Variants in LSM2 observed in about 807,000 individuals in gnomAD.
LSM2 encodes LSM2 homolog, U6 small nuclear RNA and mRNA degradation associated.
In LSM2, 12 loss-of-function variants were observed where a neutral mutation model predicts 17.0. The ratio of observed to expected loss-of-function variants is 0.70; its 90% confidence interval spans 0.45 to 1.14. The LOEUF (loss-of-function observed/expected upper bound fraction) is 1.14. LSM2 is among the 50% of genes most tolerant of loss of function. The pLI, the probability that LSM2 is intolerant of heterozygous loss-of-function variation, is 0.00. For synonymous variants in LSM2, 42 were observed against 44.5 expected, an observed-to-expected ratio of 0.94 and a Z score of 0.22; for missense variants, 62 against 111.8, an observed-to-expected ratio of 0.55 and a Z score of 2.01.
chr6:31,800,703 C>T (rs1300892477), intron 2 of LSM2, among the ~76,000 whole-genome samples: 7 of 151,950 alleles, frequency 4.6e-5, no homozygotes, highest in African/African-American at 1.4e-4. Flanking sequence ...CTGGCTAACA[C>T]GGTGAAACCC....
intron 2 of LSM2, among the ~76,000 whole-genome samples, chr6:31,804,060 T>G (rs1814865104): frequency 6.6e-6 from 1 of 152,040 alleles, no homozygotes; most frequent in African/African-American, 2.4e-5. Context: ...TAAATAAATA[T>G]TATTTTAAGA....
chr6:31,803,492 T>TA (rs1028906814), intron 2 of LSM2, among the ~76,000 whole-genome samples: 2 of 147,974 alleles, frequency 1.4e-5, no homozygotes, highest in Admixed American at 6.8e-5. Context: ...CTCAAAAAAA[T>TA]AAATGTGGAA....
At chr6:31,798,456 G>A (rs1472690140) in intron 3 of LSM2, 21 bp downstream of exon 3, 1 of 1,612,722 alleles carries the variant, frequency 6.2e-7, no homozygotes, top group Non-Finnish European at 8.5e-7. Context: ...AACCAATTCT[G>A]GGGCCCGTGC....
intron 2 of LSM2, among the ~76,000 whole-genome samples, chr6:31,801,565 C>A (rs1814706090): frequency 6.6e-6 from 1 of 151,986 alleles, no homozygotes; most frequent in African/African-American, 2.4e-5. Context: ...GAGGCTGAGG[C>A]AGGAGGATCA....
chr6:31,801,478 G>A (rs972061667), intron 2 of LSM2, among the ~76,000 whole-genome samples: 3 of 152,146 alleles, frequency 2.0e-5, no homozygotes, highest in African/African-American at 7.2e-5. Flanking sequence ...TAGCACAAAA[G>A]TGGTCTGACA....
chr6:31,798,112 G>A, intron 3 of LSM2, 63 bp from the exon 4 acceptor site: 1 of 1,359,466 alleles, frequency 7.4e-7, no homozygotes, highest in South Asian at 1.6e-5. Context: ...CAAGAGTTTT[G>A]CTCTTGTTGC....
At chr6:31,801,711 A>T (rs138562541) in intron 2 of LSM2, among the ~76,000 whole-genome samples, 270 of 152,228 alleles carry the variant, frequency 1.8e-3, no homozygotes, top group Middle Eastern at 3.4e-3. Context: ...TGGAAGAATC[A>T]CTTGAACCCA....
chr6:31,806,367 G>A, intron 1 of LSM2: 1 of 606,016 alleles, frequency 1.7e-6, no homozygotes, highest in Non-Finnish European at 2.9e-6. Context: ...GAGAGACTCT[G>A]CCCTGCATAC....
rs1411212128 is a variant in LSM2, at chr6:31,806,808, G to A, written c.-51C>T. On this transcript the variant is annotated 5_prime_UTR_variant, in exon 1 of 5. Transcript: ENST00000375661. ...CGGACCGGGAAGACAGCAGGGTGCTGCGAGCAGGTCTGGGGAAACCGAAGC... is the reference window on the plus strand; with the variant it reads ...CGGACCGGGAAGACAGCAGGGTGCTACGAGCAGGTCTGGGGAAACCGAAGC... The A allele has an allele frequency of 6.3e-6, 10 of 1,597,212 alleles. No individual in the cohort carries two copies. Among genetic ancestry groups the A allele is most frequent in the Non-Finnish European group, 8.5e-6 (10 of 1,173,550 alleles).
intron 2 of LSM2, among the ~76,000 whole-genome samples, chr6:31,800,661 G>A (rs1240217170): frequency 1.3e-5 from 2 of 152,102 alleles, no homozygotes; most frequent in South Asian, 2.1e-4. Context: ...GCCGAGGCGG[G>A]TGGATCACGA....
chr6:31,806,641 G>A (rs1037881635), intron 1 of LSM2, 114 bp downstream of exon 1: 52 of 1,326,106 alleles, frequency 3.9e-5, no homozygotes, highest in Non-Finnish European at 5.3e-5. Flanking sequence ...CAGTACTAAA[G>A]ATGAAGATAA....
At chr6:31,801,522 T>C (rs940997170) in intron 2 of LSM2, among the ~76,000 whole-genome samples, 4 of 152,144 alleles carry the variant, frequency 2.6e-5, no homozygotes, top group African/African-American at 9.7e-5. Context: ...TGGCCAGGCG[T>C]GGTGGCTCAC....
At position 31,806,744 on chromosome 6, in the gene LSM2, A is replaced by T; in HGVS notation, c.3+11T>A. 1.2e-6 allele frequency: 2 copies of T among 1,610,294 alleles called. No individual in the cohort carries two copies. The highest frequency in any genetic ancestry group is 1.7e-6 in the Non-Finnish European group (2 of 1,179,008). ...CCCGAGGGCGCCCCCTTTTGACGTCACGGTACCCACCATGGTGCTGGCGCC... is the reference window on the plus strand; with the variant it reads ...CCCGAGGGCGCCCCCTTTTGACGTCTCGGTACCCACCATGGTGCTGGCGCC... On this transcript the variant is annotated intron_variant, in intron 1 of 4. Coordinates refer to ENST00000375661, the MANE Select transcript of LSM2 (RefSeq NM_021177.5).
At position 31,806,905 on chromosome 6, in the gene LSM2, TGAC is replaced by T. The variant is rs1815082508; in HGVS notation, c.-151_-149del. On this transcript the variant is annotated 5_prime_UTR_variant, in exon 1 of 5. Coordinates refer to ENST00000375661, the MANE Select transcript of LSM2 (RefSeq NM_021177.5). Reference sequence around the variant, plus strand: ...AAGCGACGCAGAAAGCTCCAAGCGCTGACGGGCAAAGCGCGGCCGACTTGCGGC... The same window carrying T: ...AAGCGACGCAGAAAGCTCCAAGCGCTGGGCAAAGCGCGGCCGACTTGCGGC... 1 of 1,116,894 alleles carries T rather than the reference TGAC, an allele frequency of 9.0e-7. No individual in the cohort carries two copies. Among genetic ancestry groups the T allele is most frequent in the Admixed American group, 3.1e-5 (1 of 32,454 alleles). 69.2% of individuals were successfully genotyped at this position (1,116,894 alleles called of 1,614,324 possible).
chr6:31,806,838 G>T lies in LSM2; in HGVS notation c.-81C>A. ...CAGGTCTGGGGAAACCGAAGCGCGA[G>T]CCCGCGCGTGGGGCGAGGCGGGACC... On this transcript the variant is annotated 5_prime_UTR_variant, in exon 1 of 5. Transcript: ENST00000375661. 1 of 1,506,730 alleles carries T rather than the reference G, an allele frequency of 6.6e-7. No homozygotes were observed. The highest frequency in any genetic ancestry group is 8.8e-7 in the Non-Finnish European group (1 of 1,130,118). The allele number at this position is 1,506,730 out of a possible 1,614,324, so 93.3% of individuals were successfully genotyped here. A position where few individuals can be genotyped will look rare whatever the true frequency, so the allele number is the denominator to read the frequency against.
At chr6:31,804,203 A>G (rs1012929765) in intron 2 of LSM2, among the ~76,000 whole-genome samples, 4 of 152,076 alleles carry the variant, frequency 2.6e-5, no homozygotes, top group African/African-American at 9.7e-5. Flanking sequence ...TCTACTAAAA[A>G]TACAAAATTT....
chr6:31,805,843 T>G (rs888556419), intron 2 of LSM2, among the ~76,000 whole-genome samples: 5 of 151,856 alleles, frequency 3.3e-5, no homozygotes, highest in Admixed American at 1.3e-4. Context: ...TGGGCTAGAG[T>G]GCAATGGAGT....
intron 2 of LSM2, among the ~76,000 whole-genome samples, chr6:31,801,170 CAAA>C (rs9281582): frequency 5.6e-5 from 3 of 53,284 alleles, no homozygotes; most frequent in Admixed American, 2.1e-4. Flanking sequence ...GGATCTGTCT[CAAA>C]AAAAAAAAAA....
intron 2 of LSM2, among the ~76,000 whole-genome samples, chr6:31,801,700 GT>G (rs1814714670): frequency 2.0e-5 from 3 of 152,268 alleles, no homozygotes; most frequent in Admixed American, 6.5e-5. Context: ...GGAGGCTGAG[GT>G]GGAAGAATCA....
Sources: gnomAD v4.1 joint callset for allele counts (sites outside exome capture counted in the v4.1 genomes callset) on GRCh38, gnomAD v4.1.1 for gene constraint, MANE v1.5 for transcripts, NCBI Gene and HGNC (gene_info 2026-07-23, HGNC 2026-07-21) for gene names.